Variants in AFTPH observed in about 807,000 individuals in gnomAD.
AFTPH encodes aftiphilin.
AFTPH carries 7 observed loss-of-function variants against 72.5 expected under a neutral mutation model. That is an observed-to-expected ratio of 0.10 (90% CI 0.05 to 0.18). The LOEUF is 0.18. Ranked by LOEUF, AFTPH falls within the 10% of genes least tolerant of loss-of-function variation. The probability of loss-of-function intolerance (pLI) is 1.00; values close to 1 mark genes in which losing one functional copy is unlikely to be tolerated. For synonymous variants in AFTPH, 337 were observed against 370.1 expected, an observed-to-expected ratio of 0.91 and a Z score of 1.03; for missense variants, 979 against 1,060.5, an observed-to-expected ratio of 0.92 and a Z score of 1.07.
chr2:64,532,365 A>G (rs962195770), intron 1 of AFTPH, among the ~76,000 whole-genome samples: 1 of 152,212 alleles, frequency 6.6e-6, no homozygotes, highest in Admixed American at 6.5e-5. Context: ...TATCACAAGA[A>G]GAGGATTGGC....
chr2:64,530,164 CA>C (rs893941680), intron 1 of AFTPH, among the ~76,000 whole-genome samples: 3 of 151,288 alleles, frequency 2.0e-5, no homozygotes, highest in African/African-American at 7.3e-5. Flanking sequence ...TCAACAACAA[CA>C]AAAAAAAGCA....
chr2:64,554,258 C>T (rs1454959049), intron 2 of AFTPH, among the ~76,000 whole-genome samples: 1 of 152,140 alleles, frequency 6.6e-6, no homozygotes, highest in African/African-American at 2.4e-5. Flanking sequence ...CCTAAAGTAG[C>T]CCCTAGAGGT....
chr2:64,564,872 C>G lies in AFTPH; in HGVS notation c.1936-2690C>G, dbSNP rs953167531. Among the ~76,000 whole-genome samples, 6 of 149,304 alleles carry G rather than the reference C, an allele frequency of 4.0e-5. No homozygotes were observed. In the South Asian group the frequency reaches 1.1e-3, roughly 26 times the overall value. ...TTTTTTTTTAAGACCAAGTCTTGCT[C>G]TGTCACCCAGGCTGGACTACAGTGG... On this transcript the variant is annotated intron_variant, in intron 2 of 8. Coordinates refer to ENST00000238856, the Ensembl canonical transcript of AFTPH.
At chr2:64,575,047 T>C (rs1672677213) in intron 6 of AFTPH, among the ~76,000 whole-genome samples, 1 of 152,232 alleles carries the variant, frequency 6.6e-6, no homozygotes, top group African/African-American at 2.4e-5. Flanking sequence ...TTTGCTTGCT[T>C]CCTCCTCCAT....
At position 64,581,284 on chromosome 2, in the gene AFTPH, T is replaced by G; in HGVS notation, c.2455+1738T>G. ...GCACCACAATCCCAGGTCAGCAGAGTGTTAAAACCACAATTCCAGTTTATT... is the reference window on the plus strand; with the variant it reads ...GCACCACAATCCCAGGTCAGCAGAGGGTTAAAACCACAATTCCAGTTTATT... On this transcript the variant is annotated intron_variant, in intron 7 of 8. Coordinates refer to ENST00000238856, the Ensembl canonical transcript of AFTPH. 1 of 1,575,124 alleles carries G rather than the reference T, an allele frequency of 6.3e-7. No individual in the cohort carries two copies. The highest frequency in any genetic ancestry group is 8.6e-7 in the Non-Finnish European group (1 of 1,160,628).
At chr2:64,569,524 A>G (rs887579161) in intron 4 of AFTPH, 99 bp from the exon 5 acceptor site, 34 of 1,333,880 alleles carry the variant, frequency 2.5e-5, no homozygotes, top group African/African-American at 2.3e-4. Flanking sequence ...ATCATTCCCA[A>G]TATATGTAAT....
At chr2:64,524,722 C>T (rs1211913099) in intron 1 of AFTPH, 110 bp downstream of exon 1, 4 of 377,536 alleles carry the variant, frequency 1.1e-5, no homozygotes, top group South Asian at 1.5e-4. Context: ...CTGCCCGCCG[C>T]GGAGCCGGGA....
At chr2:64,569,028 G>A in intron 3 of AFTPH, 64 bp from the exon 4 acceptor site, 2 of 1,584,532 alleles carry the variant, frequency 1.3e-6, no homozygotes, top group Admixed American at 1.7e-5. Flanking sequence ...CATATTATAA[G>A]TAGAACTCAT....
chr2:64,551,384 G>A, intron 1 of AFTPH, 59 bp from the exon 2 acceptor site: 1 of 1,336,298 alleles, frequency 7.5e-7, no homozygotes, highest in Non-Finnish European at 1.0e-6. Context: ...AGAGAATTTT[G>A]AAAGATCTTG....
exon 2 of AFTPH, chr2:64,553,297 C>T (rs747930756): frequency 6.2e-7 from 1 of 1,614,076 alleles, no homozygotes; most frequent in South Asian, 1.1e-5. Flanking sequence ...TCACATAGGA[C>T]AGATGAAAAT....
intron 2 of AFTPH, among the ~76,000 whole-genome samples, chr2:64,560,643 C>T (rs550583283): frequency 6.9e-4 from 105 of 152,182 alleles, no homozygotes; most frequent in Middle Eastern, 3.4e-3. Flanking sequence ...GAGGCCAAGG[C>T]GGATGGATCA....
chr2:64,555,961 C>T (rs1027271507), intron 2 of AFTPH, among the ~76,000 whole-genome samples: 1 of 150,264 alleles, frequency 6.7e-6, no homozygotes, highest in Non-Finnish European at 1.5e-5. Flanking sequence ...TTGCTCCGGA[C>T]AGTGTTTGGA....
At chr2:64,567,657 C>T (rs1236740566) in exon 3 of AFTPH, 2 of 1,613,588 alleles carry the variant, frequency 1.2e-6, no homozygotes, top group Non-Finnish European at 1.7e-6. Context: ...CCCTGAAGCA[C>T]TTGCTGGAAA....
intron 2 of AFTPH, among the ~76,000 whole-genome samples, chr2:64,565,764 T>C (rs541053924): frequency 9.9e-5 from 15 of 152,236 alleles, no homozygotes; most frequent in Non-Finnish European, 2.1e-4. Flanking sequence ...CTCTATCTTA[T>C]TCAACGTAAG....
intron 2 of AFTPH, among the ~76,000 whole-genome samples, chr2:64,555,528 T>G (rs893157897): frequency 3.4e-5 from 5 of 149,224 alleles, no homozygotes; most frequent in African/African-American, 1.2e-4. Flanking sequence ...ACCACTGCAT[T>G]TCAGGCTAGG....
rs34040464 is a variant in AFTPH, at chr2:64,546,870, T to TA, written c.-32-4562dup. Among the ~76,000 whole-genome samples, 68 of 127,150 alleles carry TA rather than the reference T, an allele frequency of 5.3e-4. 1 individual carries two copies. Among genetic ancestry groups the TA allele is most frequent in the East Asian group, 3.7e-3 (16 of 4,280 alleles). 83.4% of individuals were successfully genotyped at this position (127,150 alleles called of 152,430 possible). A position where few individuals can be genotyped will look rare whatever the true frequency, so the allele number is the denominator to read the frequency against. On this transcript the variant is annotated intron_variant, in intron 1 of 8. Coordinates refer to ENST00000238856, the Ensembl canonical transcript of AFTPH. ...TAACACAGTGAAACCCCGTCTCTACTAAAAAAAAAAATCCAAAAAAAAAAA... is the reference window on the plus strand; with the variant it reads ...TAACACAGTGAAACCCCGTCTCTACTAAAAAAAAAAAATCCAAAAAAAAAAA...
chr2:64,565,343 T>C (rs753455772), intron 2 of AFTPH, among the ~76,000 whole-genome samples: 47 of 151,412 alleles, frequency 3.1e-4, no homozygotes, highest in Non-Finnish European at 5.9e-4. Context: ...GGCGCGGTGG[T>C]GGGCACCTGT....
rs577666184 is a variant in AFTPH, at chr2:64,550,413, A to C, written c.-32-1030A>C. On this transcript the variant is annotated intron_variant, in intron 1 of 8. Transcript: ENST00000238856. ...ACTGTTGACAAATGCAGCAACATGG[A>C]TAGCTCTCAAGGGCATTATTAGGCT... is the stretch of plus-strand genomic sequence containing the variant. 3.9e-5 allele frequency among the ~76,000 whole-genome samples: 6 copies of C among 152,298 alleles called. 1 individual carries two copies. Among genetic ancestry groups the C allele is most frequent in the Admixed American group, 3.3e-4 (5 of 15,294 alleles).
intron 8 of AFTPH, among the ~76,000 whole-genome samples, chr2:64,589,026 C>T (rs1262495722): frequency 6.6e-6 from 1 of 152,138 alleles, no homozygotes. Flanking sequence ...TTTTCATTAT[C>T]TTGATAGTAT....
Sources: gnomAD v4.1 joint callset for allele counts (sites outside exome capture counted in the v4.1 genomes callset) on GRCh38, gnomAD v4.1.1 for gene constraint, MANE v1.5 for transcripts, NCBI Gene and HGNC (gene_info 2026-07-23, HGNC 2026-07-21) for gene names.